The following LMBRD2 variants were observed in gnomAD, a reference collection of about 807,000 sequenced individuals.
LMBRD2 encodes the protein LMBR1 domain containing 2.
Under a neutral mutation model 94.4 loss-of-function variants are expected in LMBRD2, and 55 were observed. The observed-to-expected ratio is 0.58, with a 90% confidence interval of 0.47 to 0.73. The LOEUF (loss-of-function observed/expected upper bound fraction) is 0.73. Ranked by LOEUF, LMBRD2 falls within the 30% of genes least tolerant of loss-of-function variation. The pLI is 0.00. For missense variants in LMBRD2, 640 were observed against 831.9 expected (o/e 0.77, Z 2.84); for synonymous variants, 246 against 272.4 (o/e 0.90, Z 0.95).
At chr5:36,124,511 A>G (rs1048781320) in intron 6 of LMBRD2, among the ~76,000 whole-genome samples, 3 of 152,218 alleles carry the variant, frequency 2.0e-5, no homozygotes, top group Non-Finnish European at 4.4e-5. Flanking sequence ...TACTTGGTAC[A>G]CAAAAAAGAA....
intron 16 of LMBRD2, among the ~76,000 whole-genome samples, chr5:36,106,350 A>G (rs1743466563): frequency 6.6e-6 from 1 of 152,022 alleles, no homozygotes; most frequent in South Asian, 2.1e-4. Context: ...TCTTGACTGT[A>G]TTACCAAACA....
At position 36,099,818 on chromosome 5, in the gene LMBRD2, C is replaced by T. The variant is rs1743310542; in HGVS notation, c.*4228G>A. On this transcript the variant is annotated 3_prime_UTR_variant, in exon 18 of 18. Transcript: ENST00000296603. ...ATGAGAAGAGGAACATGCCAATATCCTTGCTTTATTAACAGATTTAAAATT... is the reference window on the plus strand; with the variant it reads ...ATGAGAAGAGGAACATGCCAATATCTTTGCTTTATTAACAGATTTAAAATT... 6.6e-6 allele frequency: 1 copy of T among 152,034 alleles called. No individual in the cohort carries two copies. Among genetic ancestry groups the T allele is most frequent in the African/African-American group, 2.4e-5 (1 of 41,408 alleles). 9.4% of individuals were successfully genotyped at this position (152,034 alleles called of 1,614,324 possible). A position where few individuals can be genotyped will look rare whatever the true frequency, so the allele number is the denominator to read the frequency against.
chr5:36,111,627 A>T (rs964839405), intron 13 of LMBRD2, among the ~76,000 whole-genome samples: 1 of 152,068 alleles, frequency 6.6e-6, no homozygotes, highest in Non-Finnish European at 1.5e-5. Context: ...GCTTTTATAC[A>T]CTACAAATTG....
In LMBRD2 at chr5:36,116,529, C is replaced by T. The variant is rs143929763; in HGVS notation, c.1367G>A (p.Arg456His). The change falls in exon 11 of 18, where the codon CGT becomes CAT. Residue 456 changes from arginine (R) to histidine (H), a missense_variant. Around this residue, in one of 2 missense-constraint regions of LMBRD2, gnomAD observed 457 missense variants for 642.8 expected, o/e 0.71. Coordinates refer to ENST00000296603, the MANE Select transcript of LMBRD2 (RefSeq NM_001007527.2). ...ICVYSTVFRIRVFNYYYLASH... is the reference protein window; with the variant it reads ...ICVYSTVFRIHVFNYYYLASH... ...GGCCAAATAATAATAGTTAAATACA[C>T]GAATCCTGAACACAGTAGAATAAAC... The T allele has an allele frequency of 9.9e-6, 16 of 1,612,466 alleles. No individual in the cohort carries two copies. The highest frequency in any genetic ancestry group is 3.3e-5 in the South Asian group (3 of 91,052).
At chr5:36,112,873 G>C (rs1451798328) in intron 13 of LMBRD2, among the ~76,000 whole-genome samples, 1 of 151,926 alleles carries the variant, frequency 6.6e-6, no homozygotes, top group Non-Finnish European at 1.5e-5. Flanking sequence ...AAATGATTAA[G>C]CACATAATAA....
intron 1 of LMBRD2, among the ~76,000 whole-genome samples, chr5:36,148,944 G>C (rs947048383): frequency 6.6e-6 from 1 of 152,118 alleles, no homozygotes; most frequent in Non-Finnish European, 1.5e-5. Flanking sequence ...AGAATTTAAC[G>C]CAAACTTTTT....
chr5:36,107,741 G>T (rs1029511646), intron 16 of LMBRD2, among the ~76,000 whole-genome samples: 1 of 152,200 alleles, frequency 6.6e-6, no homozygotes, highest in Non-Finnish European at 1.5e-5. Flanking sequence ...CACAGAGGGA[G>T]TCTTCTCCAT....
chr5:36,140,753 G>A (rs1341183214), intron 4 of LMBRD2, among the ~76,000 whole-genome samples: 1 of 152,130 alleles, frequency 6.6e-6, no homozygotes, highest in Non-Finnish European at 1.5e-5. Flanking sequence ...AATATTTCTT[G>A]TAGAAAATGG....
Position 36,115,010 on chromosome 5 carries a change from C to A in LMBRD2, c.1542+5G>T. 2 of 1,539,562 alleles carry A rather than the reference C, an allele frequency of 1.3e-6. No individual in the cohort carries two copies. The highest frequency in any genetic ancestry group is 1.8e-6 in the Non-Finnish European group (2 of 1,115,136). ...TAAGGAATTCTATTTTCTGACCGTA[C>A]TTACAGATGTATAAGCAGTTGGTTG... On this transcript the variant is annotated splice_donor_5th_base_variant and intron_variant, in intron 12 of 17. Transcript: ENST00000296603.
In LMBRD2 at chr5:36,105,182, G is replaced by T; in HGVS notation, c.1913C>A (p.Thr638Asn). 6.2e-7 allele frequency: 1 copy of T among 1,611,824 alleles called. No homozygotes were observed. The highest frequency in any genetic ancestry group is 8.5e-7 in the Non-Finnish European group (1 of 1,178,676). Residue 638 changes from threonine (T) to asparagine (N), a missense_variant, in exon 17 of 18, where the codon ACC becomes AAC. Thr to Asn is a moderately conservative substitution (Grantham distance 65, BLOSUM62 0). This residue lies in a region of LMBRD2 where 183 missense variants were observed against 189.1 expected (regional missense o/e 0.97). Coordinates refer to ENST00000296603, the MANE Select transcript of LMBRD2 (RefSeq NM_001007527.2). Reference protein sequence around the residue: ...VNTNRSAFKYTRANNRTERDR... With the variant: ...VNTNRSAFKYNRANNRTERDR... ...CCTTTCAGTCCTGTTATTAGCCCTG[G>T]TATATTTGAATGCAGCTGCAAAGGA...
rs989067915 is a variant in LMBRD2, at chr5:36,149,187, G to T, written c.-58+2369C>A. Among the ~76,000 whole-genome samples the T allele has an allele frequency of 2.6e-5, 4 of 152,114 alleles. No individual in the cohort carries two copies. In the East Asian group the frequency reaches 7.7e-4, roughly 29 times the overall value. ...CTATATGGTGAGCTCTGTTCAAGGG[G>T]CTGGAGATAGAAAAATCCAAGCAAA... On this transcript the variant is annotated intron_variant, in intron 1 of 17. Coordinates refer to ENST00000296603, the MANE Select transcript of LMBRD2 (RefSeq NM_001007527.2).
At chr5:36,148,155 C>T (rs975589878) in intron 1 of LMBRD2, among the ~76,000 whole-genome samples, 5 of 151,210 alleles carry the variant, frequency 3.3e-5, no homozygotes, top group East Asian at 3.9e-4. Flanking sequence ...CAAACATAAT[C>T]GTTATTCACA....
intron 1 of LMBRD2, among the ~76,000 whole-genome samples, chr5:36,146,937 T>TGA (rs1744559615): frequency 8.0e-6 from 1 of 125,452 alleles, no homozygotes; most frequent in Non-Finnish European, 1.5e-5. Context: ...TGTGTGTGTG[T>TGA]GTGAGTGTGT....
chr5:36,122,166 G>T (rs1293234347), intron 9 of LMBRD2, 114 bp downstream of exon 9: 6 of 691,150 alleles, frequency 8.7e-6, no homozygotes, highest in Non-Finnish European at 1.4e-5. Flanking sequence ...ATATCACATG[G>T]TATAAATCAA....
chr5:36,135,146 A>G (rs1381795309), intron 6 of LMBRD2, among the ~76,000 whole-genome samples: 3 of 152,134 alleles, frequency 2.0e-5, no homozygotes, highest in Non-Finnish European at 4.4e-5. Context: ...CCCTTTACAG[A>G]AAAGTTTGTC....
chr5:36,106,441 A>G (rs1743468549), intron 16 of LMBRD2, among the ~76,000 whole-genome samples: 1 of 151,368 alleles, frequency 6.6e-6, no homozygotes, highest in Non-Finnish European at 1.5e-5. Context: ...TAAACCAAAA[A>G]TCTTATCATG....
chr5:36,122,699 C>A, intron 8 of LMBRD2, 149 bp downstream of exon 8: 1 of 1,105,826 alleles, frequency 9.0e-7, no homozygotes, highest in Non-Finnish European at 1.2e-6. Context: ...CTGGTATACA[C>A]AGAGATAAAA....
At chr5:36,110,025 A>G in intron 14 of LMBRD2, 34 bp from the exon 15 acceptor site, 3 of 1,538,302 alleles carry the variant, frequency 2.0e-6, no homozygotes, top group South Asian at 1.1e-5. Flanking sequence ...AATATGGCAT[A>G]ACATGGTTTA....
chr5:36,118,922 T>C (rs559007585), intron 9 of LMBRD2, among the ~76,000 whole-genome samples: 1 of 152,096 alleles, frequency 6.6e-6, no homozygotes, highest in Non-Finnish European at 1.5e-5. Context: ...CTCAATCTCC[T>C]GACCCCATGA....
Sources: gnomAD v4.1 joint callset for allele counts (sites outside exome capture counted in the v4.1 genomes callset) on GRCh38, gnomAD v4.1.1 for gene constraint, gnomAD v4.1.1 regional missense constraint, MANE v1.5 for transcripts, NCBI Gene and HGNC (gene_info 2026-07-23, HGNC 2026-07-21) for gene names.